The following EPB41L3 variants were observed in gnomAD, a reference collection of about 807,000 sequenced individuals.
EPB41L3 encodes the protein erythrocyte membrane protein band 4.1 like 3, also known as band 4.1-like protein 3.
In EPB41L3, 57 loss-of-function variants were observed where a neutral mutation model predicts 127.1. The ratio of observed to expected loss-of-function variants is 0.45; its 90% confidence interval spans 0.36 to 0.56. The LOEUF (loss-of-function observed/expected upper bound fraction) is 0.56. EPB41L3 is among the 20% of genes least tolerant of loss of function. The pLI, the probability that EPB41L3 is intolerant of heterozygous loss-of-function variation, is 0.00. For synonymous variants in EPB41L3, 572 were observed against 549.5 expected, an observed-to-expected ratio of 1.04 and a Z score of -0.57; for missense variants, 1,273 against 1,372.2, an observed-to-expected ratio of 0.93 and a Z score of 1.14.
chr18:5,437,157 T>G (rs556894944), intron 6 of EPB41L3, among the ~76,000 whole-genome samples: 2 of 152,270 alleles, frequency 1.3e-5, no homozygotes, highest in East Asian at 3.9e-4. Flanking sequence ...AATCCATATG[T>G]TCGAATCCTA....
At chr18:5,433,599 C>T (rs760382587) in intron 7 of EPB41L3, 43 bp from the exon 8 acceptor site, 17 of 1,531,058 alleles carry the variant, frequency 1.1e-5, no homozygotes, top group Non-Finnish European at 1.3e-5. Context: ...TTTTCCCTTC[C>T]CTGGTAGGCT....
chr18:5,540,293 CAT>C, intron 1 of EPB41L3: 2 of 948,238 alleles, frequency 2.1e-6, no homozygotes, highest in Non-Finnish European at 2.5e-6. Context: ...CACATTTTCC[CAT>C]GCAGTCTTAT....
chr18:5,470,979 C>T (rs1054693019), intron 3 of EPB41L3, among the ~76,000 whole-genome samples: 1 of 152,116 alleles, frequency 6.6e-6, no homozygotes, highest in Admixed American at 6.5e-5. Flanking sequence ...GGGAAGCTTC[C>T]TTTTCTCCCT....
At chr18:5,539,289 G>A (rs1265780886) in intron 1 of EPB41L3, among the ~76,000 whole-genome samples, 2 of 151,784 alleles carry the variant, frequency 1.3e-5, no homozygotes, top group East Asian at 3.9e-4. Flanking sequence ...TAGTTTGTAA[G>A]GCAGGGTTAT....
chr18:5,558,780 A>G (rs978768419), intron 3 of EPB41L3, among the ~76,000 whole-genome samples: 6 of 152,208 alleles, frequency 3.9e-5, no homozygotes, highest in African/African-American at 7.2e-5. Context: ...GGCACATACC[A>G]GTTAGCTACT....
intron 14 of EPB41L3, among the ~76,000 whole-genome samples, chr18:5,409,238 T>C (rs188604995): frequency 2.6e-5 from 4 of 152,320 alleles, no homozygotes; most frequent in African/African-American, 9.6e-5. Flanking sequence ...AGCCTACCTA[T>C]GTTATAGGTA....
In EPB41L3 at chr18:5,561,877, T is replaced by C. The variant is rs372916854; in HGVS notation, c.-306+50463A>G. Among the ~76,000 whole-genome samples the C allele has an allele frequency of 8.5e-5, 13 of 152,340 alleles. No homozygotes were observed. In the South Asian group the frequency reaches 2.5e-3, roughly 29 times the overall value. On this transcript the variant is annotated intron_variant, in intron 3 of 21. Coordinates refer to the EPB41L3 transcript ENST00000545076. ...CAGAGGGCACGTTACCACTGTAGAT[T>C]CTTTCCCAAGATGCATACCCTCAAT...
At chr18:5,457,506 T>C (rs1034455415) in intron 3 of EPB41L3, among the ~76,000 whole-genome samples, 1 of 151,938 alleles carries the variant, frequency 6.6e-6, no homozygotes, top group Non-Finnish European at 1.5e-5. Flanking sequence ...TGAGACTGTA[T>C]CACTTATTTT....
At chr18:5,612,535 TC>T (rs2094739558) in intron 2 of EPB41L3, 1 of 152,238 alleles carries the variant, frequency 6.6e-6, no homozygotes, top group Non-Finnish European at 1.5e-5. Flanking sequence ...CTCTCCTTAG[TC>T]CTGATAATGA....
At chr18:5,567,599 G>C (rs890531403) in intron 3 of EPB41L3, among the ~76,000 whole-genome samples, 1 of 151,892 alleles carries the variant, frequency 6.6e-6, no homozygotes, top group South Asian at 2.1e-4. Flanking sequence ...GAGAAAGAAA[G>C]GAGAAGAGAT....
At chr18:5,469,535 T>C (rs571847407) in intron 3 of EPB41L3, among the ~76,000 whole-genome samples, 1 of 152,292 alleles carries the variant, frequency 6.6e-6, no homozygotes, top group South Asian at 2.1e-4. Context: ...CACACCTGGC[T>C]TGCCCTTGAC....
intron 3 of EPB41L3, among the ~76,000 whole-genome samples, chr18:5,583,207 G>A (rs1006471807): frequency 5.3e-5 from 8 of 152,136 alleles, no homozygotes; most frequent in African/African-American, 1.2e-4. Context: ...CCTACCGCCC[G>A]CCAGATACTA....
At chr18:5,445,267 GCAAGTCAATA>G in intron 3 of EPB41L3, 23 bp from the exon 4 acceptor site, 1 of 1,565,264 alleles carries the variant, frequency 6.4e-7, no homozygotes, top group Non-Finnish European at 8.8e-7. Context: ...GAATAGCAAA[GCAAGTCAATA>G]CAACACAAAG....
chr18:5,515,033 T>C (rs1163773558), intron 1 of EPB41L3, among the ~76,000 whole-genome samples: 1 of 152,244 alleles, frequency 6.6e-6, no homozygotes, highest in Non-Finnish European at 1.5e-5. Flanking sequence ...TATCTATTAT[T>C]ACTAACAGTA....
chr18:5,531,551 T>A (rs1389806089), intron 1 of EPB41L3, among the ~76,000 whole-genome samples: 1 of 151,854 alleles, frequency 6.6e-6, no homozygotes, highest in Non-Finnish European at 1.5e-5. Flanking sequence ...GGTAAAACCC[T>A]GTCTCTACTA....
At position 5,499,829 on chromosome 18, in the gene EPB41L3, G is replaced by GTGTGTATATATATATATA. The variant is rs563662904; in HGVS notation, c.-11-10636_-11-10635insTATATATATATATACACA. 1.0e-4 allele frequency among the ~76,000 whole-genome samples: 13 copies of GTGTGTATATATATATATA among 124,652 alleles called. 2 individuals are homozygous for GTGTGTATATATATATATA. Among genetic ancestry groups the GTGTGTATATATATATATA allele is most frequent in the East Asian group, 2.1e-4 (1 of 4,802 alleles). 81.8% of individuals were successfully genotyped at this position (124,652 alleles called of 152,430 possible). On this transcript the variant is annotated intron_variant, in intron 1 of 22. Transcript: ENST00000341928. ...CCTACTACATACTTACTATGTGTGT[G>GTGTGTATATATATATATA]TATATATATATATATATATGGCATT...
intron 3 of EPB41L3, chr18:5,577,280 T>C (rs2094345348): frequency 2.3e-6 from 1 of 432,456 alleles, no homozygotes; most frequent in African/African-American, 2.0e-5. Flanking sequence ...TCACTAACAA[T>C]GGCCACTTCT....
chr18:5,617,928 A>C (rs1291880490), intron 1 of EPB41L3, among the ~76,000 whole-genome samples: 3 of 152,086 alleles, frequency 2.0e-5, no homozygotes, highest in Non-Finnish European at 4.4e-5. Context: ...CTCATCCAAA[A>C]TTTTTCACAG....
chr18:5,480,684 G>A (rs1021219577), intron 2 of EPB41L3, among the ~76,000 whole-genome samples: 6 of 152,188 alleles, frequency 3.9e-5, no homozygotes, highest in Non-Finnish European at 1.5e-5. Flanking sequence ...GGGGACTTGC[G>A]TGAGTTCTCC....
Sources: allele counts gnomAD v4.1 joint callset (sites outside exome capture counted in the v4.1 genomes callset), GRCh38; gene constraint gnomAD v4.1.1; transcripts MANE v1.5; gene names NCBI Gene and HGNC (gene_info 2026-07-23, HGNC 2026-07-21).